Variants in CECR2 observed in about 807,000 individuals in gnomAD.
CECR2 encodes chromatin remodeling regulator CECR2.
CECR2 carries 30 observed loss-of-function variants against 154.5 expected under a neutral mutation model. The observed-to-expected ratio is 0.19, with a 90% CI of 0.15 to 0.26. CECR2 has a LOEUF of 0.26. Among genes scored for constraint, CECR2 ranks in the 10% least tolerant of loss-of-function variants. The pLI, the probability that CECR2 is intolerant of heterozygous loss-of-function variation, is 1.00. For missense variants in CECR2, 1,743 were observed against 1,829.3 expected, an observed-to-expected ratio of 0.95 and a Z score of 0.86; for synonymous variants, 725 against 683.7, an observed-to-expected ratio of 1.06 and a Z score of -0.94.
Position 17,540,426 on chromosome 22 carries a change from T to A in CECR2, c.1510T>A (p.Ser504Thr). Residue 504 changes from serine to threonine, a missense_variant, in exon 14 of 19, where the codon TCT becomes ACT. Physicochemically the swap from Ser to Thr is moderately conservative, Grantham distance 58. Around this residue, in one of 4 missense-constraint regions of CECR2, gnomAD observed 103 missense variants for 166.8 expected, o/e 0.62. Coordinates refer to ENST00000262608, the MANE Select transcript of CECR2 (RefSeq NM_001290047.2). ...TCTTCCTATAGAGTATACCAAGATG[T>A]CTGATAATTTAGAGAGGTGTTTCCA... ...NGESSEYTKM[S>T]DNLERCFHRA... 1 of 1,549,168 alleles carries A rather than the reference T, an allele frequency of 6.5e-7. No homozygotes were observed. The highest frequency in any genetic ancestry group is 8.7e-7 in the Non-Finnish European group (1 of 1,146,828).
intron 1 of CECR2, among the ~76,000 whole-genome samples, chr22:17,448,939 G>A (rs1013977797): frequency 6.6e-6 from 1 of 151,892 alleles, no homozygotes; most frequent in Non-Finnish European, 1.5e-5. Context: ...AGGTACCGTG[G>A]CACGGTCTGG....
intron 1 of CECR2, among the ~76,000 whole-genome samples, chr22:17,447,057 CAG>C (rs1464664895): frequency 1.6e-4 from 12 of 75,932 alleles, no homozygotes; most frequent in Admixed American, 1.3e-3. Flanking sequence ...TTTTTTGAGA[CAG>C]AGTCTCGCTG....
intron 9 of CECR2, among the ~76,000 whole-genome samples, chr22:17,530,168 A>AT (rs35858380): frequency 0.19 from 27,005 of 142,218 alleles, 2,629 homozygotes; most frequent in Non-Finnish European, 0.23. Flanking sequence ...AGTTCCCTGA[A>AT]TTTTTTTTTT....
At chr22:17,457,693 C>G (rs1328438228) in intron 1 of CECR2, among the ~76,000 whole-genome samples, 1 of 152,154 alleles carries the variant, frequency 6.6e-6, no homozygotes, top group African/African-American at 2.4e-5. Flanking sequence ...AAGGAAAAAC[C>G]TGTAGATGAA....
intron 8 of CECR2, among the ~76,000 whole-genome samples, chr22:17,520,420 A>T (rs2056137400): frequency 6.6e-6 from 1 of 151,744 alleles, no homozygotes. Flanking sequence ...TGTAAGTAGG[A>T]TTTTTAAATT....
At chr22:17,463,399 G>C (rs2054974668) in intron 1 of CECR2, among the ~76,000 whole-genome samples, 1 of 152,214 alleles carries the variant, frequency 6.6e-6, no homozygotes, top group Non-Finnish European at 1.5e-5. Context: ...CAGACAGAGA[G>C]AAGCAGGGAG....
At chr22:17,496,086 C>T (rs1271632279) in intron 2 of CECR2, among the ~76,000 whole-genome samples, 1 of 151,586 alleles carries the variant, frequency 6.6e-6, no homozygotes, top group Non-Finnish European at 1.5e-5. Context: ...ATCTAGGTGT[C>T]TTAAATGTTC....
intron 1 of CECR2, among the ~76,000 whole-genome samples, chr22:17,438,402 A>G (rs1047229985): frequency 3.3e-5 from 5 of 152,218 alleles, no homozygotes; most frequent in African/African-American, 9.7e-5. Context: ...ACTGACAAGT[A>G]GTTTATAATG....
chr22:17,536,953 T>C (rs1366284164), intron 9 of CECR2, 150 bp from the exon 10 acceptor site: 4 of 796,760 alleles, frequency 5.0e-6, no homozygotes, highest in African/African-American at 1.7e-5. Context: ...AACATCCTAA[T>C]TACCAAAAAG....
intron 8 of CECR2, among the ~76,000 whole-genome samples, chr22:17,520,594 AC>A (rs1297931481): frequency 6.6e-6 from 1 of 151,478 alleles, no homozygotes; most frequent in Non-Finnish European, 1.5e-5. Context: ...CCTCTGACAG[AC>A]CCCGGTGTGT....
intron 1 of CECR2, among the ~76,000 whole-genome samples, chr22:17,471,667 T>C (rs911036106): frequency 6.6e-6 from 1 of 151,904 alleles, no homozygotes; most frequent in African/African-American, 2.4e-5. Context: ...TCCCCGGTAG[T>C]TGGGATTACA....
chr22:17,425,123 T>C (rs569266223), intron 1 of CECR2, among the ~76,000 whole-genome samples: 2 of 152,304 alleles, frequency 1.3e-5, no homozygotes, highest in East Asian at 1.9e-4. Flanking sequence ...TCACTACTTT[T>C]GGTTTGTTAT....
intron 1 of CECR2, among the ~76,000 whole-genome samples, chr22:17,416,521 G>A (rs2518771): frequency 0.82 from 124,427 of 152,102 alleles, 51,050 homozygotes; most frequent in Admixed American, 0.87. Flanking sequence ...TGATCATACT[G>A]TTATTATTAT....
At chr22:17,364,714 C>T (rs535703751), upstream of CECR2, among the ~76,000 whole-genome samples, 14 of 152,218 alleles carry the variant, frequency 9.2e-5, no homozygotes, top group Admixed American at 9.2e-4. Flanking sequence ...AGTGGTGCCA[C>T]GCACCTATAG....
At chr22:17,441,067 G>A (rs981734383) in intron 1 of CECR2, among the ~76,000 whole-genome samples, 3 of 152,080 alleles carry the variant, frequency 2.0e-5, no homozygotes, top group Non-Finnish European at 4.4e-5. Flanking sequence ...TCCTGCCACA[G>A]CCTCCAGAGT....
In CECR2 at chr22:17,554,818, G is replaced by A. The variant is rs987560107; in HGVS notation, c.*1978G>A. The A allele has an allele frequency of 3.9e-5, 6 of 152,222 alleles. No homozygotes were observed. The highest frequency in any genetic ancestry group is 1.4e-4 in the African/African-American group (6 of 41,454). 9.4% of individuals were successfully genotyped at this position (152,222 alleles called of 1,614,324 possible). A position where few individuals can be genotyped will look rare whatever the true frequency, so the allele number is the denominator to read the frequency against. ...TGAAGAGGACAGAAGGATTGTGGAT[G>A]GGTCTGCCCTTTAGCTAGTATCCGC... On this transcript the variant is annotated 3_prime_UTR_variant, in exon 19 of 19. Transcript: ENST00000262608.
intron 1 of CECR2, among the ~76,000 whole-genome samples, chr22:17,394,199 T>TGC (rs2053773900): frequency 8.7e-6 from 1 of 114,800 alleles, no homozygotes; most frequent in African/African-American, 4.1e-5. Flanking sequence ...TGCCGCTGCT[T>TGC]TTTTTTTTTT....
At chr22:17,551,685 C>T (rs952792875) in intron 17 of CECR2, among the ~76,000 whole-genome samples, 5 of 152,102 alleles carry the variant, frequency 3.3e-5, no homozygotes, top group African/African-American at 7.2e-5. Flanking sequence ...GTAGCACACA[C>T]TACTCAGGAG....
intron 8 of CECR2, among the ~76,000 whole-genome samples, chr22:17,523,735 G>T: frequency 7.4e-6 from 1 of 135,568 alleles, no homozygotes; most frequent in African/African-American, 2.8e-5. Flanking sequence ...CAGCCTAGGC[G>T]ACAGAGCGAG....
Sources: allele counts gnomAD v4.1 joint callset (sites outside exome capture counted in the v4.1 genomes callset), GRCh38; gene constraint gnomAD v4.1.1; regional missense constraint gnomAD v4.1.1; transcripts MANE v1.5; gene names NCBI Gene and HGNC (gene_info 2026-07-23, HGNC 2026-07-21).